KLHL5: variants seen among roughly 807,000 people sequenced by gnomAD.
KLHL5 encodes the protein kelch-like protein 5.
A neutral mutation model predicts 77.7 loss-of-function variants in KLHL5; 48 were observed. The observed-to-expected ratio is 0.62, with a 90% confidence interval of 0.49 to 0.79. KLHL5 has a LOEUF of 0.79. Ranked by LOEUF, KLHL5 falls within the 30% of genes least tolerant of loss-of-function variation. KLHL5 has a pLI of 0.00. For synonymous variants in KLHL5, 260 were observed against 297.0 expected (o/e 0.88, Z 1.28); for missense variants, 723 against 859.7 (o/e 0.84, Z 1.99).
intron 10 of KLHL5, chr4:39,115,702 G>A (rs546855194): frequency 6.2e-5 from 74 of 1,197,284 alleles, no homozygotes; most frequent in Non-Finnish European, 7.6e-5. Flanking sequence ...CCATGTGTGA[G>A]CAGTCGGATT....
the KLHL5 span, among the ~76,000 whole-genome samples, chr4:39,132,731 G>A: frequency 6.6e-6 from 1 of 152,092 alleles, no homozygotes. Context: ...AATGCCCACA[G>A]AAAATAGCAC....
intron 8 of KLHL5, among the ~76,000 whole-genome samples, chr4:39,111,101 T>C (rs1722428564): frequency 6.6e-6 from 1 of 152,208 alleles, no homozygotes; most frequent in African/African-American, 2.4e-5. Flanking sequence ...GTGTTACCAA[T>C]TGGTTTTAAC....
intron 1 of KLHL5, among the ~76,000 whole-genome samples, chr4:39,072,266 C>T (rs1718547540): frequency 6.6e-6 from 1 of 151,518 alleles, no homozygotes; most frequent in South Asian, 2.1e-4. Context: ...TGATTGTGTA[C>T]TAATCTGCAC....
At chr4:39,084,218 G>C (rs1719857648) in intron 4 of KLHL5, among the ~76,000 whole-genome samples, 1 of 152,144 alleles carries the variant, frequency 6.6e-6, no homozygotes, top group Non-Finnish European at 1.5e-5. Context: ...TCAGTGAATG[G>C]TGCGTGGACT....
chr4:39,107,624 C>T lies in KLHL5; in HGVS notation c.1581C>T (p.Ser527=). The T allele has an allele frequency of 6.2e-7, 1 of 1,612,472 alleles. No individual in the cohort carries two copies. The highest frequency in any genetic ancestry group is 8.5e-7 in the Non-Finnish European group (1 of 1,178,842). ...CCGTAGGAGGACATGATGGCTGGAG[C>T]TATCTGAACACAGTGGAAAGATGGG... ...MYAVGGHDGW[S]YLNTVERWDP... The change falls in exon 8 of 11, where the codon AGC becomes AGT. Residue 527 remains serine (S), a synonymous_variant. Transcript: ENST00000504108.
chr4:39,128,827 G>T (rs768544011), downstream of KLHL5, among the ~76,000 whole-genome samples: 2 of 152,088 alleles, frequency 1.3e-5, no homozygotes, highest in African/African-American at 4.8e-5. Context: ...TTAGCCAGGC[G>T]TGATGGTGTG....
chr4:39,086,452 T>A (rs1477803562), intron 4 of KLHL5, 63 bp from the exon 5 acceptor site: 2 of 1,319,862 alleles, frequency 1.5e-6, no homozygotes, highest in Non-Finnish European at 2.2e-6. Flanking sequence ...TTTTACTTTC[T>A]TCTAAGTAAA....
At chr4:39,053,404 C>T (rs538057689) in intron 1 of KLHL5, among the ~76,000 whole-genome samples, 4 of 152,216 alleles carry the variant, frequency 2.6e-5, no homozygotes, top group South Asian at 2.1e-4. Flanking sequence ...CATAAAGCTA[C>T]GTGAAAGACA....
chr4:39,098,475 C>T (rs999195099), intron 6 of KLHL5, among the ~76,000 whole-genome samples: 16 of 151,310 alleles, frequency 1.1e-4, no homozygotes, highest in African/African-American at 3.9e-4. Context: ...CCATATTGGC[C>T]AGGCTGGTCT....
At chr4:39,126,969 A>G (rs994563897), downstream of KLHL5, 6 of 338,178 alleles carry the variant, frequency 1.8e-5, no homozygotes, top group Admixed American at 2.0e-4. Flanking sequence ...ATCGTTTACC[A>G]TGACCTGTGT....
At chr4:39,077,317 C>T (rs1323436636) in intron 2 of KLHL5, among the ~76,000 whole-genome samples, 2 of 151,906 alleles carry the variant, frequency 1.3e-5, no homozygotes, top group African/African-American at 2.4e-5. Context: ...AAAAAATTAG[C>T]CGGGCATGGT....
At chr4:39,072,165 C>T (rs1279787357) in intron 1 of KLHL5, among the ~76,000 whole-genome samples, 3 of 147,082 alleles carry the variant, frequency 2.0e-5, no homozygotes, top group African/African-American at 8.2e-5. Context: ...AGACAACCAT[C>T]CAAACAACAT....
At position 39,062,437 on chromosome 4, in the gene KLHL5, C is replaced by A; in HGVS notation, c.-216C>A. The stretch of plus-strand genomic sequence containing the variant: ...TGCTCTGATTGAACGGAATGTTCCA[C>A]CGTGTTTCATCTTTATTCATTATCC... On this transcript the variant is annotated 5_prime_UTR_variant, in exon 1 of 11. Coordinates refer to ENST00000504108, the MANE Select transcript of KLHL5 (RefSeq NM_015990.5). The A allele has an allele frequency of 6.6e-7, 1 of 1,522,916 alleles. No individual in the cohort carries two copies. The highest frequency in any genetic ancestry group is 1.3e-5 in the South Asian group (1 of 75,358). 94.3% of individuals were successfully genotyped at this position (1,522,916 alleles called of 1,614,324 possible).
intron 2 of KLHL5, 68 bp downstream of exon 2, chr4:39,076,215 TAACC>T: frequency 5.1e-6 from 7 of 1,361,700 alleles, no homozygotes; most frequent in Non-Finnish European, 6.1e-6. Flanking sequence ...TATATTGAGG[TAACC>T]TACTTCAATT....
downstream of KLHL5, among the ~76,000 whole-genome samples, chr4:39,131,242 C>A (rs1897136): frequency 0.53 from 79,770 of 151,896 alleles, 21,552 homozygotes; most frequent in Non-Finnish European, 0.59. Context: ...GCAAGATATA[C>A]AATTTAATTT....
intron 1 of KLHL5, chr4:39,045,235 G>A: frequency 1.1e-6 from 1 of 914,806 alleles, no homozygotes; most frequent in Non-Finnish European, 1.3e-6. Flanking sequence ...TCCCGGAGGC[G>A]GCTGCGAGGC....
chr4:39,101,863 T>A (rs1362459261), intron 6 of KLHL5, among the ~76,000 whole-genome samples: 70 of 129,800 alleles, frequency 5.4e-4, no homozygotes, highest in Admixed American at 8.7e-4. Context: ...AAAAAAAATA[T>A]ATATATATAT....
chr4:39,105,745 C>G (rs1577727281), intron 7 of KLHL5, among the ~76,000 whole-genome samples: 1 of 110,954 alleles, frequency 9.0e-6, no homozygotes, highest in Admixed American at 9.1e-5. Flanking sequence ...TATACACACA[C>G]ACACACACAC....
chr4:39,058,394 G>A (rs1717147136), upstream of KLHL5, among the ~76,000 whole-genome samples: 2 of 152,184 alleles, frequency 1.3e-5, no homozygotes, highest in Admixed American at 1.3e-4. Context: ...AGGGGGCCAT[G>A]GCGGGTGGAT....
Sources: gnomAD v4.1 joint callset for allele counts (sites outside exome capture counted in the v4.1 genomes callset) on GRCh38, gnomAD v4.1.1 for gene constraint, MANE v1.5 for transcripts, NCBI Gene and HGNC (gene_info 2026-07-23, HGNC 2026-07-21) for gene names.